Variants in ARHGAP20 observed in about 807,000 individuals in gnomAD.
ARHGAP20 encodes Rho GTPase activating protein 20.
ARHGAP20 carries 34 observed loss-of-function variants against 73.7 expected under a neutral mutation model. The observed-to-expected ratio is 0.46, with a 90% CI of 0.35 to 0.61. The LOEUF (loss-of-function observed/expected upper bound fraction) is 0.61, where lower values mean the gene tolerates loss of function less well. ARHGAP20 is among the 20% of genes least tolerant of loss of function. ARHGAP20 has a pLI of 0.00. For missense variants in ARHGAP20, 1,314 were observed against 1,420.9 expected (o/e 0.92, Z 1.21); for synonymous variants, 523 against 518.2 (o/e 1.01, Z -0.13).
At chr11:110,712,629 G>T (rs1014002178), upstream of ARHGAP20, 2 of 152,334 alleles carry the variant, frequency 1.3e-5, no homozygotes, top group African/African-American at 2.4e-5. Flanking sequence ...ACCGGCCACC[G>T]GCTGACCTTT....
rs751616544 is a variant in ARHGAP20 at position 110,614,612 on chromosome 11, C to T, written c.579G>A (p.Pro193=). ...CGAAGATTTTGAGGGGAATGCTCTT[C>T]GGGTAGTCCTTTTCTTTCTCTAGAT... ...YINLEKEKDY[P]KSIPLKIFAK... is the part of the protein sequence containing the mutation. The change falls in exon 6 of 15, where the codon CCG becomes CCA. Residue 193 remains proline, a synonymous_variant. Coordinates refer to ENST00000683387, the MANE Select transcript of ARHGAP20 (RefSeq NM_001384657.1). The T allele has an allele frequency of 8.1e-6, 13 of 1,612,426 alleles. No individual in the cohort carries two copies. Among genetic ancestry groups the T allele is most frequent in the East Asian group, 2.2e-5 (1 of 44,844 alleles).
chr11:110,577,210 ATATAT>A lies in ARHGAP20; in HGVS notation c.*2155_*2159del. ...ACATATGGTAGTAAAATTTGTCAAG[ATATAT>A]TATACAAACTCAAAGCATTTTAGAT... On this transcript the variant is annotated 3_prime_UTR_variant, in exon 15 of 15. Coordinates refer to ENST00000683387, the MANE Select transcript of ARHGAP20 (RefSeq NM_001384657.1). 5.3e-6 allele frequency: 8 copies of A among 1,520,450 alleles called. No individual in the cohort carries two copies. The highest frequency in any genetic ancestry group is 5.3e-6 in the Non-Finnish European group (6 of 1,137,458). 94.2% of individuals were successfully genotyped at this position (1,520,450 alleles called of 1,614,324 possible).
At chr11:110,608,833 T>C (rs190746159) in intron 8 of ARHGAP20, 151 bp downstream of exon 8, 76 of 598,974 alleles carry the variant, frequency 1.3e-4, no homozygotes, top group Admixed American at 6.4e-4. Flanking sequence ...TAGCACATAG[T>C]AAATCTTTGA....
intron 1 of ARHGAP20, among the ~76,000 whole-genome samples, chr11:110,698,691 T>C (rs1950384819): frequency 6.6e-6 from 1 of 151,952 alleles, no homozygotes; most frequent in Non-Finnish European, 1.5e-5. Flanking sequence ...CTAGATTTTC[T>C]AGTTTATACG....
chr11:110,629,318 G>C (rs1258182424), intron 3 of ARHGAP20, among the ~76,000 whole-genome samples: 1 of 152,100 alleles, frequency 6.6e-6, no homozygotes, highest in Non-Finnish European at 1.5e-5. Context: ...TTCAATATCT[G>C]AAACAACTCT....
At chr11:110,604,770 G>T (rs1322370640) in intron 9 of ARHGAP20, among the ~76,000 whole-genome samples, 1 of 152,162 alleles carries the variant, frequency 6.6e-6, no homozygotes, top group Non-Finnish European at 1.5e-5. Flanking sequence ...TGTATCTGAT[G>T]TTGGTAAGAT....
At chr11:110,664,246 G>A (rs1591154885) in intron 2 of ARHGAP20, among the ~76,000 whole-genome samples, 3 of 152,154 alleles carry the variant, frequency 2.0e-5, no homozygotes, top group African/African-American at 7.2e-5. Flanking sequence ...AACTGTGCTT[G>A]TTCACAGATG....
At chr11:110,663,510 AT>A (rs1413951109) in intron 2 of ARHGAP20, among the ~76,000 whole-genome samples, 1 of 151,878 alleles carries the variant, frequency 6.6e-6, no homozygotes, top group Non-Finnish European at 1.5e-5. Flanking sequence ...AATGGAAAAA[AT>A]ATCCTTGAAC....
At position 110,681,398 on chromosome 11, in the gene ARHGAP20, T is replaced by C. The variant is rs80156261; in HGVS notation, c.188+9149A>G. On this transcript the variant is annotated intron_variant, in intron 2 of 14. Transcript: ENST00000683387. ...TTTTCCTTTAAGTGATATCAATTGT[T>C]ATTACAACTACCTTAGAGTCTCAGC... 4.8e-3 allele frequency among the ~76,000 whole-genome samples: 728 copies of C among 152,308 alleles called. 5 individuals are homozygous for C. Among genetic ancestry groups the C allele is most frequent in the African/African-American group, 0.016 (650 of 41,576 alleles).
chr11:110,613,702 CA>C (rs1314662420), intron 6 of ARHGAP20, among the ~76,000 whole-genome samples: 1 of 152,060 alleles, frequency 6.6e-6, no homozygotes, highest in Non-Finnish European at 1.5e-5. Context: ...TCTGTAGTCT[CA>C]TACTATAAAA....
chr11:110,622,304 A>G (rs909179770), intron 4 of ARHGAP20, among the ~76,000 whole-genome samples: 2 of 152,232 alleles, frequency 1.3e-5, no homozygotes, highest in South Asian at 4.1e-4. Context: ...TCACTCTGCC[A>G]TATCAGAGGC....
chr11:110,583,588 G>A lies in ARHGAP20; in HGVS notation c.1565C>T (p.Ala522Val), dbSNP rs1270228529. Residue 522 changes from alanine (A) to valine (V), a missense_variant, in exon 13 of 15, where the codon GCT becomes GTT. This residue lies in a region of ARHGAP20 where 230 missense variants were observed against 317.6 expected (regional missense o/e 0.72). Transcript: ENST00000683387. ...CVAPSILWPP[A>V]SSSPELENEF... ...GTTTTCTAGTTCTGGGCTGGAGGAA[G>A]CAGGAGGCCAAAGAATACTTGGAGC... 6.2e-6 allele frequency: 10 copies of A among 1,611,316 alleles called. No individual in the cohort carries two copies. Among genetic ancestry groups the A allele is most frequent in the East Asian group, 2.2e-5 (1 of 44,820 alleles).
At chr11:110,686,967 T>C (rs1008114268) in intron 2 of ARHGAP20, among the ~76,000 whole-genome samples, 5 of 150,880 alleles carry the variant, frequency 3.3e-5, no homozygotes, top group Non-Finnish European at 5.9e-5. Context: ...GAAGGTCCTG[T>C]TCCCTAGCAT....
chr11:110,616,449 T>C (rs1948484407), intron 4 of ARHGAP20, among the ~76,000 whole-genome samples: 1 of 152,148 alleles, frequency 6.6e-6, no homozygotes. Context: ...CATGGCTCAC[T>C]GTAGGCTTGA....
chr11:110,659,961 G>A (rs959406589), intron 2 of ARHGAP20, among the ~76,000 whole-genome samples: 13 of 150,978 alleles, frequency 8.6e-5, no homozygotes, highest in African/African-American at 2.9e-4. Flanking sequence ...GCTAGATGAC[G>A]AGTTAGTGGG....
At chr11:110,623,670 A>G (rs1948675982) in intron 4 of ARHGAP20, among the ~76,000 whole-genome samples, 1 of 152,230 alleles carries the variant, frequency 6.6e-6, no homozygotes, top group African/African-American at 2.4e-5. Flanking sequence ...TTGAAACTTA[A>G]TTGGACTATA....
chr11:110,593,017 G>A (rs1459759592), intron 9 of ARHGAP20, among the ~76,000 whole-genome samples: 3 of 152,092 alleles, frequency 2.0e-5, no homozygotes, highest in African/African-American at 7.2e-5. Flanking sequence ...GCATTCAGAG[G>A]AAAGTAAATC....
At chr11:110,688,366 T>C (rs557827348) in intron 2 of ARHGAP20, among the ~76,000 whole-genome samples, 184 of 151,564 alleles carry the variant, frequency 1.2e-3, no homozygotes, top group Admixed American at 3.0e-3. Context: ...CTGGAGTAGA[T>C]TGGGGGAAGA....
rs770163752 is a variant in ARHGAP20, at chr11:110,580,955, A to G, written c.1991T>C (p.Val664Ala). 3.1e-6 allele frequency: 5 copies of G among 1,614,042 alleles called. No individual in the cohort carries two copies. In the South Asian group the frequency reaches 5.5e-5, roughly 18 times the overall value. The change falls in exon 15 of 15, where the codon GTG becomes GCG. Residue 664 changes from valine to alanine, a missense_variant. Transcript: ENST00000683387. The part of the protein sequence containing the change: ...PLESKPVNIL[V>A]YTKIPLRDHA... The stretch of plus-strand genomic sequence containing the variant: ...ATCCCGCAGTGGGATCTTTGTGTAC[A>G]CTAAAATGTTCACCGGCTTGGATTC...
Sources: allele counts gnomAD v4.1 joint callset (sites outside exome capture counted in the v4.1 genomes callset), GRCh38; gene constraint gnomAD v4.1.1; regional missense constraint gnomAD v4.1.1; transcripts MANE v1.5; gene names NCBI Gene and HGNC (gene_info 2026-07-23, HGNC 2026-07-21).